The following DSCAM variants were observed in gnomAD, a reference collection of about 807,000 sequenced individuals.
DSCAM encodes the protein DS cell adhesion molecule, also known as cell adhesion molecule DSCAM.
In DSCAM, 47 loss-of-function variants were observed where a neutral mutation model predicts 217.7. The ratio of observed to expected loss-of-function variants is 0.22; its 90% CI spans 0.17 to 0.28. The LOEUF is 0.28. Ranked by LOEUF, DSCAM falls within the 10% of genes least tolerant of loss-of-function variation. The pLI, the probability that DSCAM is intolerant of heterozygous loss-of-function variation, is 1.00. For missense variants in DSCAM, 2,080 were observed against 2,618.3 expected, an observed-to-expected ratio of 0.79 and a Z score of 4.49; for synonymous variants, 1,056 against 1,015.3, an observed-to-expected ratio of 1.04 and a Z score of -0.76.
Position 40,338,628 on chromosome 21 carries a change from A to G in DSCAM, c.1508-252T>C, listed in dbSNP as rs114494063. On this transcript the variant is annotated intron_variant, in intron 7 of 32. Coordinates refer to ENST00000400454, the MANE Select transcript of DSCAM (RefSeq NM_001389.5). ...GAAAATGTTTTGAATTAAAAATTAC[A>G]AGATAAAAGGCAATTTAATTAATAG... Among the ~76,000 whole-genome samples, 358 of 152,362 alleles carry G rather than the reference A, an allele frequency of 2.3e-3. 2 individuals are homozygous for G. Among genetic ancestry groups the G allele is most frequent in the African/African-American group, 8.3e-3 (344 of 41,586 alleles).
intron 11 of DSCAM, among the ~76,000 whole-genome samples, chr21:40,201,744 A>G (rs904485801): frequency 2.4e-4 from 36 of 152,190 alleles, no homozygotes; most frequent in Non-Finnish European, 5.9e-5. Context: ...CTCAGCAGAA[A>G]ACTTCTTAAT....
intron 16 of DSCAM, among the ~76,000 whole-genome samples, chr21:40,163,628 G>A (rs2090564374): frequency 6.6e-6 from 1 of 151,940 alleles, no homozygotes; most frequent in African/African-American, 2.4e-5. Context: ...ATCTTTCTAT[G>A]GGCTTATATT....
intron 3 of DSCAM, among the ~76,000 whole-genome samples, chr21:40,474,065 G>A (rs1047524758): frequency 2.6e-5 from 4 of 152,154 alleles, no homozygotes; most frequent in African/African-American, 9.7e-5. Flanking sequence ...GGCTGAGGCG[G>A]GCGGATCACC....
intron 8 of DSCAM, among the ~76,000 whole-genome samples, chr21:40,316,555 G>T (rs563778386): frequency 1.3e-5 from 2 of 152,118 alleles, no homozygotes; most frequent in Non-Finnish European, 2.9e-5. Context: ...CCTGATTCAT[G>T]ATATCACCTA....
At chr21:40,264,477 G>T (rs1031474202) in intron 11 of DSCAM, among the ~76,000 whole-genome samples, 3 of 152,056 alleles carry the variant, frequency 2.0e-5, no homozygotes, top group Non-Finnish European at 4.4e-5. Context: ...CTCAATAGAG[G>T]CAGAAAAAAC....
At chr21:40,670,353 T>G (rs1389182119) in intron 3 of DSCAM, among the ~76,000 whole-genome samples, 1 of 144,190 alleles carries the variant, frequency 6.9e-6, no homozygotes, top group African/African-American at 2.6e-5. Flanking sequence ...CTGGCCAACA[T>G]GGTGAAGCCT....
chr21:40,116,708 AAGAG>A (rs1256551059), intron 20 of DSCAM, among the ~76,000 whole-genome samples: 1 of 151,734 alleles, frequency 6.6e-6, no homozygotes, highest in Non-Finnish European at 1.5e-5. Context: ...AAAAAAAAAA[AAGAG>A]AGAGATTCGA....
chr21:40,585,947 C>G (rs1376017520), intron 3 of DSCAM, among the ~76,000 whole-genome samples: 1 of 152,156 alleles, frequency 6.6e-6, no homozygotes, highest in Non-Finnish European at 1.5e-5. Flanking sequence ...ACCTCTGCCT[C>G]GCAAGTTCAA....
At chr21:40,716,868 A>T in intron 1 of DSCAM, among the ~76,000 whole-genome samples, 1 of 152,234 alleles carries the variant, frequency 6.6e-6, no homozygotes, top group East Asian at 1.9e-4. Context: ...TCTAGTTCAC[A>T]TAGTGAGGTC....
intron 3 of DSCAM, among the ~76,000 whole-genome samples, chr21:40,469,093 A>G (rs1271817958): frequency 6.6e-6 from 1 of 152,174 alleles, no homozygotes; most frequent in Non-Finnish European, 1.5e-5. Context: ...ACCCAAAAGG[A>G]AGAAAGTGAA....
intron 3 of DSCAM, among the ~76,000 whole-genome samples, chr21:40,416,130 C>G (rs1002926524): frequency 7.9e-5 from 12 of 152,100 alleles, no homozygotes; most frequent in Admixed American, 5.2e-4. Flanking sequence ...GAGGGGATCC[C>G]CTTTTTCTGG....
chr21:40,217,228 CAGA>C (rs1159723455), intron 11 of DSCAM, among the ~76,000 whole-genome samples: 3 of 152,000 alleles, frequency 2.0e-5, no homozygotes, highest in Admixed American at 6.5e-5. Context: ...AAGCTTAATG[CAGA>C]AGGTTTGAAA....
intron 3 of DSCAM, among the ~76,000 whole-genome samples, chr21:40,431,734 A>G (rs2075534452): frequency 6.6e-6 from 1 of 152,208 alleles, no homozygotes; most frequent in Non-Finnish European, 1.5e-5. Flanking sequence ...GTAGGCTACT[A>G]TATTGAAGTT....
chr21:40,075,628 A>T (rs1221403680), intron 26 of DSCAM, among the ~76,000 whole-genome samples: 1 of 152,178 alleles, frequency 6.6e-6, no homozygotes, highest in African/African-American at 2.4e-5. Context: ...AAATGGACAG[A>T]AGCGCGTGTG....
chr21:40,063,403 T>G (rs559009855), intron 27 of DSCAM, among the ~76,000 whole-genome samples: 2 of 152,126 alleles, frequency 1.3e-5, no homozygotes, highest in Non-Finnish European at 2.9e-5. Flanking sequence ...TTAAAAAAAC[T>G]TTATTTTTTT....
chr21:40,287,143 ATGATCCACAGTG>A (rs1307960394), intron 10 of DSCAM, among the ~76,000 whole-genome samples: 19 of 139,540 alleles, frequency 1.4e-4, no homozygotes, highest in Admixed American at 2.0e-4. Flanking sequence ...GATCTGCAGC[ATGATCCACAGTG>A]TGATCCACAG....
At chr21:40,802,159 C>T (rs1452952118) in intron 1 of DSCAM, among the ~76,000 whole-genome samples, 1 of 152,182 alleles carries the variant, frequency 6.6e-6, no homozygotes, top group Non-Finnish European at 1.5e-5. Context: ...GGGGGCCCAA[C>T]TCCCACCCCA....
chr21:40,193,778 G>A (rs1243876257), intron 11 of DSCAM, among the ~76,000 whole-genome samples: 1 of 152,188 alleles, frequency 6.6e-6, no homozygotes, highest in Non-Finnish European at 1.5e-5. Context: ...AAAACAGACA[G>A]TTTTCCTTTG....
intron 3 of DSCAM, among the ~76,000 whole-genome samples, chr21:40,431,761 T>C (rs2075534912): frequency 6.6e-6 from 1 of 152,236 alleles, no homozygotes. Flanking sequence ...AGTAAAATGT[T>C]ATATGCAGAT....
Sources: allele counts gnomAD v4.1 joint callset (sites outside exome capture counted in the v4.1 genomes callset), GRCh38; gene constraint gnomAD v4.1.1; transcripts MANE v1.5; gene names NCBI Gene and HGNC (gene_info 2026-07-23, HGNC 2026-07-21).